TTLL5: variants seen among roughly 807,000 people sequenced by gnomAD.
TTLL5 encodes tubulin tyrosine ligase like 5.
A neutral mutation model predicts 168.4 loss-of-function variants in TTLL5; 132 were observed. That is an observed-to-expected ratio of 0.78 (90% CI 0.68 to 0.91). The LOEUF is 0.91. TTLL5 is among the 40% of genes least tolerant of loss of function. TTLL5 has a pLI of 0.00. For synonymous variants in TTLL5, 546 were observed against 558.6 expected (o/e 0.98, Z 0.32); for missense variants, 1,545 against 1,581.5 (o/e 0.98, Z 0.39).
intron 27 of TTLL5, among the ~76,000 whole-genome samples, chr14:75,804,004 A>G (rs569560907): frequency 1.3e-5 from 2 of 152,234 alleles, no homozygotes; most frequent in African/African-American, 4.8e-5. Flanking sequence ...AATCAAAGGG[A>G]TAACAGCAGA....
At chr14:75,725,157 T>G (rs1236911440) in intron 12 of TTLL5, among the ~76,000 whole-genome samples, 1 of 152,212 alleles carries the variant, frequency 6.6e-6, no homozygotes, top group East Asian at 1.9e-4. Context: ...CTGGTTTGGT[T>G]TTCTGTTGCT....
intron 3 of TTLL5, among the ~76,000 whole-genome samples, chr14:75,677,145 T>A (rs1884226380): frequency 6.6e-6 from 1 of 152,124 alleles, no homozygotes; most frequent in South Asian, 2.1e-4. Flanking sequence ...TTTTATTATT[T>A]TTTTACTATA....
intron 15 of TTLL5, 64 bp from the exon 16 acceptor site, chr14:75,745,031 G>C (rs1410538658): frequency 6.3e-6 from 8 of 1,270,328 alleles, no homozygotes; most frequent in Non-Finnish European, 6.7e-6. Flanking sequence ...AATGAACAGA[G>C]GGTAATGAGG....
chr14:75,884,263 G>C (rs2031975690), intron 30 of TTLL5, among the ~76,000 whole-genome samples: 1 of 152,200 alleles, frequency 6.6e-6, no homozygotes, highest in African/African-American at 2.4e-5. Flanking sequence ...AGCCAAATGC[G>C]AATGTTGAAT....
intron 22 of TTLL5, among the ~76,000 whole-genome samples, chr14:75,776,392 A>G (rs1891727052): frequency 6.6e-6 from 1 of 152,210 alleles, no homozygotes; most frequent in African/African-American, 2.4e-5. Context: ...CCTAATTGGA[A>G]CAAAATACTG....
chr14:75,912,252 C>T (rs978765655), intron 31 of TTLL5, among the ~76,000 whole-genome samples: 2 of 152,130 alleles, frequency 1.3e-5, no homozygotes, highest in Non-Finnish European at 2.9e-5. Flanking sequence ...GCAAAGTGCC[C>T]CTGGTGGGCA....
chr14:75,940,862 A>AT (rs1336516431), intron 31 of TTLL5, among the ~76,000 whole-genome samples: 1 of 152,236 alleles, frequency 6.6e-6, no homozygotes, highest in African/African-American at 2.4e-5. Flanking sequence ...AGACTTAAGT[A>AT]TATCTTCAGA....
intron 9 of TTLL5, 95 bp downstream of exon 9, chr14:75,707,802 A>G: frequency 9.2e-7 from 1 of 1,085,040 alleles, no homozygotes; most frequent in Non-Finnish European, 1.4e-6. Context: ...AAATCAGATC[A>G]TGCTATTTTT....
chr14:75,903,104 T>G (rs2032996595), intron 31 of TTLL5, among the ~76,000 whole-genome samples: 1 of 152,224 alleles, frequency 6.6e-6, no homozygotes, highest in African/African-American at 2.4e-5. Flanking sequence ...AGGCACATAA[T>G]GTAGGAACTA....
At chr14:75,898,984 G>A (rs2032799085) in intron 30 of TTLL5, among the ~76,000 whole-genome samples, 1 of 152,144 alleles carries the variant, frequency 6.6e-6, no homozygotes, top group Non-Finnish European at 1.5e-5. Flanking sequence ...GACTGATGTT[G>A]GAGTCAATGA....
intron 31 of TTLL5, 33 bp downstream of exon 31, chr14:75,902,257 A>G: frequency 6.2e-7 from 1 of 1,607,714 alleles, no homozygotes; most frequent in South Asian, 1.1e-5. Flanking sequence ...GCAACTGGAT[A>G]GATGACAGGG....
intron 15 of TTLL5, chr14:75,744,327 T>C: frequency 6.6e-6 from 1 of 152,420 alleles, no homozygotes. Context: ...TTTACCTTCC[T>C]ATTTCTCCAC....
chr14:75,899,389 A>T (rs2032820878), intron 30 of TTLL5, among the ~76,000 whole-genome samples: 1 of 152,218 alleles, frequency 6.6e-6, no homozygotes, highest in South Asian at 2.1e-4. Flanking sequence ...CATTTAGGGG[A>T]AGGTTGTCCA....
At chr14:75,833,744 A>T (rs867706272) in intron 28 of TTLL5, among the ~76,000 whole-genome samples, 1 of 152,200 alleles carries the variant, frequency 6.6e-6, no homozygotes, top group Admixed American at 6.5e-5. Flanking sequence ...ATACCCATAC[A>T]TTAGAAATGT....
intron 30 of TTLL5, among the ~76,000 whole-genome samples, chr14:75,900,797 A>G (rs1425594258): frequency 6.6e-6 from 1 of 152,192 alleles, no homozygotes; most frequent in Non-Finnish European, 1.5e-5. Flanking sequence ...CAGAAAGACC[A>G]TCCTTGACCA....
At chr14:75,718,007 A>T in intron 10 of TTLL5, 45 bp downstream of exon 10, 3 of 1,569,062 alleles carry the variant, frequency 1.9e-6, no homozygotes, top group Non-Finnish European at 2.6e-6. Context: ...TCAGTCTCAG[A>T]TGTGGGTGTT....
chr14:75,822,978 C>G (rs895639624), intron 28 of TTLL5, among the ~76,000 whole-genome samples: 1 of 152,164 alleles, frequency 6.6e-6, no homozygotes, highest in Admixed American at 6.5e-5. Context: ...TCTGTTGTTA[C>G]TTTTCAGAGG....
intron 18 of TTLL5, among the ~76,000 whole-genome samples, chr14:75,754,773 G>T (rs573766259): frequency 3.4e-4 from 52 of 152,234 alleles, no homozygotes; most frequent in Middle Eastern, 3.4e-3. Context: ...GAAGAAAGAT[G>T]CATTATTTCT....
intron 30 of TTLL5, among the ~76,000 whole-genome samples, chr14:75,899,003 A>G (rs1342975040): frequency 2.6e-5 from 4 of 152,334 alleles, no homozygotes; most frequent in South Asian, 4.1e-4. Context: ...GAGTCATTCA[A>G]TTTGATATTT....
Sources: allele counts gnomAD v4.1 joint callset (sites outside exome capture counted in the v4.1 genomes callset), GRCh38; gene constraint gnomAD v4.1.1; transcripts MANE v1.5; gene names NCBI Gene and HGNC (gene_info 2026-07-23, HGNC 2026-07-21).